The following NCAPH variants were observed in gnomAD, a reference collection of about 807,000 sequenced individuals.
The protein encoded by NCAPH is condensin complex subunit 2.
NCAPH carries 38 observed loss-of-function variants against 85.5 expected under a neutral mutation model. The observed-to-expected ratio is 0.44, with a 90% CI of 0.34 to 0.58. The LOEUF is 0.58. Ranked by LOEUF, NCAPH falls within the 20% of genes least tolerant of loss-of-function variation. The pLI, the probability that NCAPH is intolerant of heterozygous loss-of-function variation, is 0.01. For missense variants in NCAPH, 789 were observed against 916.6 expected, an observed-to-expected ratio of 0.86 and a Z score of 1.80; for synonymous variants, 301 against 335.1, an observed-to-expected ratio of 0.90 and a Z score of 1.11.
At position 96,341,566 on chromosome 2, in the gene NCAPH, CT is replaced by C. The variant is rs2064294583; in HGVS notation, c.20-75del. On this transcript the variant is annotated intron_variant, in intron 1 of 17. Transcript: ENST00000240423. ...GACAGTGTGTGGTGAACCTCCACCC[CT>C]GTGACAGGCTCAAGACTTCTTTGGA... The C allele has an allele frequency of 5.9e-6, 9 of 1,533,420 alleles. No individual in the cohort carries two copies. The East Asian group carries it at 9.0e-5, about 15-fold the overall frequency. The allele number at this position is 1,533,420 out of a possible 1,614,324, so 95.0% of individuals were successfully genotyped here.
intron 6 of NCAPH, among the ~76,000 whole-genome samples, chr2:96,350,149 T>C (rs980002830): frequency 6.6e-6 from 1 of 152,272 alleles, no homozygotes; most frequent in East Asian, 1.9e-4. Context: ...AGGCCTTTTA[T>C]TGTGGTCCTT....
At chr2:96,338,873 C>T (rs146843402) in intron 1 of NCAPH, among the ~76,000 whole-genome samples, 51 of 152,282 alleles carry the variant, frequency 3.3e-4, no homozygotes, top group African/African-American at 9.4e-4. Context: ...TGCAGTGGCG[C>T]GATCTCGACT....
At position 96,360,841 on chromosome 2, in the gene NCAPH, G is replaced by A; in HGVS notation, c.1587+131G>A. 3.5e-6 allele frequency: 4 copies of A among 1,148,450 alleles called. No homozygotes were observed. In the South Asian group the frequency reaches 5.1e-5, roughly 15 times the overall value. 71.1% of individuals were successfully genotyped at this position (1,148,450 alleles called of 1,614,324 possible). A position where few individuals can be genotyped will look rare whatever the true frequency, so the allele number is the denominator to read the frequency against. ...TGTGTTAGCCAAAGCGTGTTGCCAGGAAATCAAATAGATAAGGCAAAGAAA... is the reference window on the plus strand; with the variant it reads ...TGTGTTAGCCAAAGCGTGTTGCCAGAAAATCAAATAGATAAGGCAAAGAAA... On this transcript the variant is annotated intron_variant, in intron 12 of 17. Coordinates refer to ENST00000240423, the MANE Select transcript of NCAPH (RefSeq NM_015341.5).
rs2064205022 is a variant in NCAPH, at chr2:96,335,855, C to T, written c.19+7C>T. The T allele has an allele frequency of 6.7e-7, 1 of 1,485,524 alleles. No homozygotes were observed. Among genetic ancestry groups the T allele is most frequent in the Non-Finnish European group, 8.9e-7 (1 of 1,121,382 alleles). The allele number at this position is 1,485,524 out of a possible 1,614,324, so 92.0% of individuals were successfully genotyped here. A position where few individuals can be genotyped will look rare whatever the true frequency, so the allele number is the denominator to read the frequency against. ...ATGGGACCTCCCGGCCCAGGTGAGC[C>T]GGGCGGTCGGGAGGCGCGGCGGGAA... On this transcript the variant is annotated splice_region_variant and intron_variant, in intron 1 of 17. Coordinates refer to ENST00000240423, the MANE Select transcript of NCAPH (RefSeq NM_015341.5).
At chr2:96,345,619 C>G (rs1364382921) in intron 6 of NCAPH, among the ~76,000 whole-genome samples, 2 of 152,158 alleles carry the variant, frequency 1.3e-5, no homozygotes, top group African/African-American at 4.8e-5. Flanking sequence ...GCTGAATGTC[C>G]CAGACCCTGC....
chr2:96,373,222 T>A, intron 17 of NCAPH, 70 bp from the exon 18 acceptor site: 1 of 1,345,614 alleles, frequency 7.4e-7, no homozygotes, highest in Non-Finnish European at 1.1e-6. Context: ...ACCTTGTGAC[T>A]GTGATTGGAA....
intron 6 of NCAPH, among the ~76,000 whole-genome samples, chr2:96,351,353 C>T (rs776964370): frequency 2.0e-5 from 3 of 152,110 alleles, no homozygotes; most frequent in Non-Finnish European, 4.4e-5. Context: ...TCTTTTGAAC[C>T]GGGATTTTAT....
At chr2:96,353,203 T>G (rs1040228822) in intron 7 of NCAPH, 103 bp from the exon 8 acceptor site, 8 of 893,642 alleles carry the variant, frequency 9.0e-6, no homozygotes, top group Non-Finnish European at 1.4e-5. Flanking sequence ...GTGAGGTAAC[T>G]GTGCCTCTCA....
At chr2:96,358,768 A>G (rs748341668) in intron 9 of NCAPH, among the ~76,000 whole-genome samples, 6 of 152,172 alleles carry the variant, frequency 3.9e-5, no homozygotes, top group African/African-American at 1.2e-4. Context: ...GCGCCCAGCC[A>G]AAAGAATTCT....
chr2:96,354,726 T>C (rs1431665193), intron 9 of NCAPH, among the ~76,000 whole-genome samples: 28 of 152,246 alleles, frequency 1.8e-4, no homozygotes, highest in Admixed American at 1.8e-3. Flanking sequence ...GCTTTTCAGC[T>C]GAGCCTTTCT....
intron 9 of NCAPH, 64 bp downstream of exon 9, chr2:96,354,452 C>T: frequency 1.5e-6 from 2 of 1,294,142 alleles, no homozygotes; most frequent in Admixed American, 3.0e-5. Flanking sequence ...TTTTCTTTTT[C>T]TTTTTTTTCT....
At chr2:96,349,006 T>C (rs934571599) in intron 6 of NCAPH, among the ~76,000 whole-genome samples, 16 of 152,186 alleles carry the variant, frequency 1.1e-4, no homozygotes, top group African/African-American at 3.9e-4. Flanking sequence ...ATCGGATTAT[T>C]AAGTACAGGA....
At chr2:96,352,068 A>G in intron 7 of NCAPH, 48 bp downstream of exon 7, 1 of 1,505,332 alleles carries the variant, frequency 6.6e-7, no homozygotes, top group Non-Finnish European at 9.0e-7. Context: ...TCATTGGGGA[A>G]TTTTTTTACA....
At position 96,373,568 on chromosome 2, in the gene NCAPH, T is replaced by A. The variant is rs545971196; in HGVS notation, c.*217T>A. On this transcript the variant is annotated 3_prime_UTR_variant, in exon 18 of 18. Transcript: ENST00000240423. ...CAACTGATTAAACTTTACTGCCCTA[T>A]GGTGACCATCTAGGAGAGGGGAGGG... is the stretch of plus-strand genomic sequence containing the variant. The A allele has an allele frequency of 1.4e-5, 7 of 500,570 alleles. No individual in the cohort carries two copies. In the East Asian group the frequency reaches 1.9e-4, roughly 14 times the overall value. The allele number at this position is 500,570 out of a possible 1,614,324, so 31.0% of individuals were successfully genotyped here. A position where few individuals can be genotyped will look rare whatever the true frequency, so the allele number is the denominator to read the frequency against.
chr2:96,359,063 T>C lies in NCAPH; in HGVS notation c.1227T>C (p.Leu409=), dbSNP rs750518967. The change falls in exon 10 of 18, where the codon CTT becomes CTC. Residue 409 remains leucine, a synonymous_variant. Coordinates refer to ENST00000240423, the MANE Select transcript of NCAPH (RefSeq NM_015341.5). Reference sequence around the variant, plus strand: ...GTTACAGGGAAGAAATGATTTCCCTTGGGGATGGAGACATCAGGACCATGT... The same window carrying C: ...GTTACAGGGAAGAAATGATTTCCCTCGGGGATGGAGACATCAGGACCATGT... ...VQSCQEEMIS[L]GDGDIRTMCP... is the part of the protein sequence containing the mutation. 6.8e-6 allele frequency: 11 copies of C among 1,614,084 alleles called. No homozygotes were observed. Among genetic ancestry groups the C allele is most frequent in the Middle Eastern group, 1.6e-4 (1 of 6,062 alleles).
At chr2:96,351,667 C>CAAAAA (rs368668931) in intron 6 of NCAPH, among the ~76,000 whole-genome samples, 164 bp from the exon 7 acceptor site, 3 of 54,258 alleles carry the variant, frequency 5.5e-5, no homozygotes, top group African/African-American at 1.4e-4. Flanking sequence ...GACTCCATCT[C>CAAAAA]AAAAAAAAAA....
At position 96,376,180 on chromosome 2, in the gene NCAPH, T is replaced by C. The variant is rs771601779; in HGVS notation, c.*2829T>C. Among the ~76,000 whole-genome samples the C allele has an allele frequency of 1.3e-5, 2 of 152,204 alleles. No homozygotes were observed. Among genetic ancestry groups the C allele is most frequent in the Admixed American group, 6.5e-5 (1 of 15,278 alleles). ...TGAGAAGCCTCCTGAGATAAGAGCG[T>C]ATACCATGTCCATAACTGAAGTTTT... is the stretch of plus-strand genomic sequence containing the variant. On this transcript the variant is annotated 3_prime_UTR_variant, in exon 18 of 18. Coordinates refer to ENST00000240423, the MANE Select transcript of NCAPH (RefSeq NM_015341.5).
Position 96,364,596 on chromosome 2 carries a change from A to AG in NCAPH, c.1698+11dup. The AG allele has an allele frequency of 6.4e-7, 1 of 1,569,592 alleles. No individual in the cohort carries two copies. The highest frequency in any genetic ancestry group is 1.7e-5 in the Admixed American group (1 of 59,896). On this transcript the variant is annotated splice_donor_region_variant and intron_variant, in intron 13 of 17. Coordinates refer to ENST00000240423, the MANE Select transcript of NCAPH (RefSeq NM_015341.5). Reference sequence around the variant, plus strand: ...AACTTTTGCCCTGGATTACAGGTAAAGGGGGGAAAGGGGCTCTGTCCTCTC... The same window carrying AG: ...AACTTTTGCCCTGGATTACAGGTAAAGGGGGGGAAAGGGGCTCTGTCCTCTC...
intron 15 of NCAPH, among the ~76,000 whole-genome samples, chr2:96,368,470 C>T (rs1015809579): frequency 6.6e-6 from 1 of 152,152 alleles, no homozygotes; most frequent in Non-Finnish European, 1.5e-5. Flanking sequence ...GCCTGGCCAA[C>T]ATGGTGAAAC....
Sources: allele counts gnomAD v4.1 joint callset (sites outside exome capture counted in the v4.1 genomes callset), GRCh38; gene constraint gnomAD v4.1.1; transcripts MANE v1.5; gene names NCBI Gene and HGNC (gene_info 2026-07-23, HGNC 2026-07-21).